The following ASCC3 variants were observed in gnomAD, a reference collection of about 807,000 sequenced individuals.
ASCC3 encodes the protein ASC-1 complex subunit P200.
In ASCC3, 158 loss-of-function variants were observed where a neutral mutation model predicts 256.3. The observed-to-expected ratio is 0.62, with a 90% CI of 0.54 to 0.70. ASCC3 has a LOEUF of 0.70. Among genes scored for constraint, ASCC3 ranks in the 30% least tolerant of loss-of-function variants. The pLI is 0.00. For missense variants in ASCC3, 2,259 were observed against 2,626.0 expected (o/e 0.86, Z 3.05); for synonymous variants, 948 against 883.4 (o/e 1.07, Z -1.30).
intron 1 of ASCC3, among the ~76,000 whole-genome samples, chr6:100,876,190 A>G (rs1773995846): frequency 6.6e-6 from 1 of 152,172 alleles, no homozygotes; most frequent in Non-Finnish European, 1.5e-5. Flanking sequence ...TATGGTTATA[A>G]CATGGTTAAG....
intron 3 of ASCC3, among the ~76,000 whole-genome samples, chr6:100,850,997 T>C (rs911003255): frequency 5.3e-5 from 8 of 152,148 alleles, no homozygotes; most frequent in Non-Finnish European, 1.2e-4. Context: ...TTTGTAAAGA[T>C]AGTATTGCTA....
chr6:100,598,502 G>A (rs1397041702), intron 34 of ASCC3, among the ~76,000 whole-genome samples: 1 of 152,020 alleles, frequency 6.6e-6, no homozygotes, highest in African/African-American at 2.4e-5. Flanking sequence ...TTCATCTTTT[G>A]TCTACTGTGA....
intron 37 of ASCC3, among the ~76,000 whole-genome samples, chr6:100,524,415 A>G (rs1487718742): frequency 6.6e-6 from 1 of 152,176 alleles, no homozygotes; most frequent in African/African-American, 2.4e-5. Context: ...TCAGGCACTT[A>G]TCTTTTGAAA....
chr6:100,721,580 G>A (rs1779334017), intron 11 of ASCC3, among the ~76,000 whole-genome samples: 1 of 151,562 alleles, frequency 6.6e-6, no homozygotes, highest in South Asian at 2.1e-4. Context: ...CAACTACCTG[G>A]ATTTTAAAAA....
intron 14 of ASCC3, among the ~76,000 whole-genome samples, chr6:100,667,600 T>C (rs1776544464): frequency 6.6e-6 from 1 of 151,948 alleles, no homozygotes; most frequent in African/African-American, 2.4e-5. Context: ...AAGGTTAAAG[T>C]TGGCTAGAAA....
chr6:100,759,567 T>G (rs1781338316), intron 10 of ASCC3, among the ~76,000 whole-genome samples: 1 of 151,692 alleles, frequency 6.6e-6, no homozygotes, highest in Non-Finnish European at 1.5e-5. Flanking sequence ...TTTCTTGTAG[T>G]ATAGTTTGAA....
intron 8 of ASCC3, among the ~76,000 whole-genome samples, chr6:100,772,934 C>A (rs1782014401): frequency 6.6e-6 from 1 of 152,084 alleles, no homozygotes; most frequent in Admixed American, 6.5e-5. Context: ...ATCTTTTTAA[C>A]ACAAGGAAGT....
intron 32 of ASCC3, 125 bp from the exon 33 acceptor site, chr6:100,605,825 T>A: frequency 8.8e-7 from 1 of 1,135,868 alleles, no homozygotes; most frequent in Non-Finnish European, 1.3e-6. Context: ...TGATAATATG[T>A]TTGCTATGTT....
rs1769762781 is a variant in ASCC3 at position 100,798,809 on chromosome 6, C to A, written c.1299G>T (p.Glu433Asp). The part of the protein sequence containing the change: ...KMILPEGIQR[E>D]NNKLYEEVRI... ...TTACTTCTTCATAAAGCTTGTTATT[C>A]TCTCTTTGGATTCCTTCTGGCAAAA... The change falls in exon 8 of 42, where the codon GAG becomes GAT. Residue 433 changes from glutamate (E) to aspartate (D), a missense_variant. By Grantham distance (45) the Glu-to-Asp change is conservative. Coordinates refer to ENST00000369162, the MANE Select transcript of ASCC3 (RefSeq NM_006828.4). 6.2e-7 allele frequency: 1 copy of A among 1,612,542 alleles called. No homozygotes were observed. Among genetic ancestry groups the A allele is most frequent in the African/African-American group, 1.3e-5 (1 of 74,836 alleles).
intron 1 of ASCC3, among the ~76,000 whole-genome samples, chr6:100,870,564 A>G (rs866041237): frequency 2.0e-5 from 3 of 152,352 alleles, no homozygotes; most frequent in African/African-American, 7.2e-5. Flanking sequence ...GGTATTAAAA[A>G]CAAACATGAT....
At chr6:100,704,866 T>C (rs1399268381) in intron 13 of ASCC3, among the ~76,000 whole-genome samples, 5 of 152,118 alleles carry the variant, frequency 3.3e-5, no homozygotes, top group African/African-American at 1.2e-4. Flanking sequence ...ACTTACTAAA[T>C]ATGCCATAAT....
chr6:100,675,881 G>T (rs1259434311), intron 14 of ASCC3, among the ~76,000 whole-genome samples: 2 of 152,070 alleles, frequency 1.3e-5, no homozygotes, highest in African/African-American at 2.4e-5. Flanking sequence ...AGAAAAATTT[G>T]ATTTGATTGA....
chr6:100,547,395 T>C (rs1769027536), intron 36 of ASCC3, among the ~76,000 whole-genome samples: 1 of 151,890 alleles, frequency 6.6e-6, no homozygotes. Context: ...AGATTTAAAA[T>C]ATATTGTTAA....
chr6:100,803,428 C>T (rs562708765), intron 5 of ASCC3, among the ~76,000 whole-genome samples: 23 of 152,224 alleles, frequency 1.5e-4, no homozygotes, highest in East Asian at 9.7e-4. Flanking sequence ...CTCCTGCCAC[C>T]ATGTGAAGTA....
At chr6:100,658,713 G>A (rs1776041156) in intron 16 of ASCC3, among the ~76,000 whole-genome samples, 1 of 151,420 alleles carries the variant, frequency 6.6e-6, no homozygotes, top group African/African-American at 2.4e-5. Context: ...CAGAAGATCT[G>A]TGTTGGAGAG....
chr6:100,662,604 G>C, intron 14 of ASCC3, 68 bp from the exon 15 acceptor site: 1 of 1,452,746 alleles, frequency 6.9e-7, no homozygotes, highest in Non-Finnish European at 9.6e-7. Context: ...CATTTCTGTT[G>C]TATGAGTTCA....
chr6:100,569,759 A>C (rs1363292552), intron 36 of ASCC3, among the ~76,000 whole-genome samples: 1 of 152,038 alleles, frequency 6.6e-6, no homozygotes, highest in Non-Finnish European at 1.5e-5. Context: ...TTGCATGGCT[A>C]TTTGCCCTCT....
intron 8 of ASCC3, among the ~76,000 whole-genome samples, chr6:100,783,922 C>T (rs761945757): frequency 1.3e-5 from 2 of 151,994 alleles, no homozygotes; most frequent in African/African-American, 4.8e-5. Context: ...AAAATTTATG[C>T]GGTAGGTCTT....
At chr6:100,842,265 A>C (rs1234037678) in intron 4 of ASCC3, among the ~76,000 whole-genome samples, 1 of 152,022 alleles carries the variant, frequency 6.6e-6, no homozygotes, top group African/African-American at 2.4e-5. Flanking sequence ...TTCTAGTTAC[A>C]AAAAAAACTA....
Sources: gnomAD v4.1 joint callset for allele counts (sites outside exome capture counted in the v4.1 genomes callset) on GRCh38, gnomAD v4.1.1 for gene constraint, MANE v1.5 for transcripts, NCBI Gene and HGNC (gene_info 2026-07-23, HGNC 2026-07-21) for gene names.